TRIM64C: variants seen among roughly 807,000 people sequenced by gnomAD.
TRIM64C encodes tripartite motif containing 64C, also known as tripartite motif-containing protein 64C.
In TRIM64C, 25 loss-of-function variants were observed where a neutral mutation model predicts 36.1. The observed-to-expected ratio is 0.69, with a 90% CI of 0.51 to 0.97. The LOEUF is 0.97. Among genes scored for constraint, TRIM64C ranks in the 50% least tolerant of loss-of-function variants. The pLI is 0.00. For synonymous variants in TRIM64C, 212 were observed against 185.7 expected (o/e 1.14, Z -1.15); for missense variants, 489 against 536.8 (o/e 0.91, Z 0.88).
Position 49,056,013 on chromosome 11 carries a change from A to G in TRIM64C, c.761+346T>C, listed in dbSNP as rs536253703. 9.7e-5 allele frequency among the ~76,000 whole-genome samples: 14 copies of G among 144,380 alleles called. No individual in the cohort carries two copies. In the South Asian group the frequency reaches 2.6e-3, roughly 27 times the overall value. The allele number at this position is 144,380 out of a possible 152,430, so 94.7% of individuals were successfully genotyped here. On this transcript the variant is annotated intron_variant, in intron 4 of 5. Transcript: ENST00000617704. ...CATCCTTAGGGAATATCTCTCCTCG[A>G]TCTGTCTTTTTTTTTTTTTAACCTC...
chr11:49,059,030 G>A lies in TRIM64C; in HGVS notation c.83C>T (p.Thr28Ile), dbSNP rs1353561730. Reference sequence around the variant, plus strand: ...CCTGCAAAAGCTGTGCACACAGTCAGTGGTGACCGGGTCTATGAAGTAGTT... The same window carrying A: ...CCTGCAAAAGCTGTGCACACAGTCAATGGTGACCGGGTCTATGAAGTAGTT... The part of the protein sequence containing the change: ...CVNYFIDPVT[T>I]DCVHSFCRPC... The change falls in exon 1 of 6, where the codon ACT becomes ATT. Residue 28 changes from threonine (T) to isoleucine (I), a missense_variant. Thr to Ile is a moderately conservative substitution (Grantham distance 89). Coordinates refer to ENST00000617704, the MANE Select transcript of TRIM64C (RefSeq NM_001206631.1). 2 of 1,552,320 alleles carry A rather than the reference G, an allele frequency of 1.3e-6. No homozygotes were observed. Among genetic ancestry groups the A allele is most frequent in the Non-Finnish European group, 8.7e-7 (1 of 1,147,432 alleles).
chr11:49,058,660 T>G, intron 1 of TRIM64C, 41 bp downstream of exon 1: 1 of 1,537,504 alleles, frequency 6.5e-7, no homozygotes, highest in African/African-American at 1.4e-5. Flanking sequence ...ATCATTCTTA[T>G]TTGATATTCT....
rs1488157801 is a variant in TRIM64C, at chr11:49,058,143, A to G, written c.442T>C (p.Trp148Arg). 6.5e-7 allele frequency: 1 copy of G among 1,530,652 alleles called. No homozygotes were observed. Among genetic ancestry groups the G allele is most frequent in the East Asian group, 2.5e-5 (1 of 40,766 alleles). 94.8% of individuals were successfully genotyped at this position (1,530,652 alleles called of 1,614,324 possible). A position where few individuals can be genotyped will look rare whatever the true frequency, so the allele number is the denominator to read the frequency against. The change falls in exon 2 of 6, where the codon TGG becomes CGG. Residue 148 changes from tryptophan to arginine, a missense_variant. Coordinates refer to ENST00000617704, the MANE Select transcript of TRIM64C (RefSeq NM_001206631.1). ...TTTTGTGTCTCTTGATTGATTTTCC[A>G]TAAATAGTCCATTTCCTTTATAAGT... Reference protein sequence around the residue: ...QKLIKEMDYLWKINQETQNNL... With the variant: ...QKLIKEMDYLRKINQETQNNL...
At chr11:49,055,482 T>C in intron 4 of TRIM64C, 75 bp from the exon 5 acceptor site, 1 of 1,500,688 alleles carries the variant, frequency 6.7e-7, no homozygotes, top group Non-Finnish European at 8.9e-7. Context: ...GATATCATAT[T>C]TTCATATAAG....
Position 49,058,926 on chromosome 11 carries a change from T to G in TRIM64C, c.187A>C (p.Asn63His), listed in dbSNP as rs1188636660. 3.2e-6 allele frequency: 5 copies of G among 1,551,178 alleles called. No homozygotes were observed. The African/African-American group carries it at 6.9e-5, about 21-fold the overall frequency. The change falls in exon 1 of 6, where the codon AAC becomes CAC. Residue 63 changes from asparagine (N) to histidine (H), a missense_variant. Physicochemically the swap from Asn to His is moderately conservative, Grantham distance 68. Transcript: ENST00000617704. ...PLCRKISEKP[N>H]FNTNVALKKL... ...TTGAGTGCCACATTGGTGTTGAAGT[T>G]GGGCTTCTCTGAGATTTTTCTGCAC...
At chr11:49,055,903 G>A (rs1242842163) in intron 4 of TRIM64C, among the ~76,000 whole-genome samples, 1 of 152,124 alleles carries the variant, frequency 6.6e-6, no homozygotes, top group African/African-American at 2.4e-5. Context: ...CCATTTTCCT[G>A]AGGTCTTTCC....
rs926036310 is a variant in TRIM64C, at chr11:49,053,920, T to A, written c.1147A>T (p.Thr383Ser). 2 of 1,551,660 alleles carry A rather than the reference T, an allele frequency of 1.3e-6. No individual in the cohort carries two copies. Among genetic ancestry groups the A allele is most frequent in the Admixed American group, 3.9e-5 (2 of 51,000 alleles). Residue 383 changes from threonine to serine, a missense_variant, in exon 6 of 6, where the codon ACG (threonine) becomes TCG (serine). Physicochemically the swap from Thr to Ser is moderately conservative, Grantham distance 58 (BLOSUM62 1). Transcript: ENST00000617704. ...GTGGAGAGACTATAGTGATTGCTCG[T>A]CTTTGAAGAAATTGAAAAAAATGTT... is the stretch of plus-strand genomic sequence containing the variant. ...DKTFFSISSKTSNHYSLSTNS... is the reference protein window; with the variant it reads ...DKTFFSISSKSSNHYSLSTNS...
Position 49,058,246 on chromosome 11 carries a change from C to T in TRIM64C, c.413-74G>A, listed in dbSNP as rs756536356. ...ATCCCTTTATCAATAAAAAAAAGGC[C>T]GTAATTGAAAGAAACATAAATTAAG... On this transcript the variant is annotated intron_variant, in intron 1 of 5. Transcript: ENST00000617704. The T allele has an allele frequency of 6.4e-5, 67 of 1,042,720 alleles. 1 individual carries two copies. The Middle Eastern group carries it at 1.3e-3, about 20-fold the overall frequency. The allele number at this position is 1,042,720 out of a possible 1,614,324, so 64.6% of individuals were successfully genotyped here.
At chr11:49,058,306 C>T in intron 1 of TRIM64C, 134 bp from the exon 2 acceptor site, 2 of 691,182 alleles carry the variant, frequency 2.9e-6, no homozygotes, top group South Asian at 4.1e-5. Context: ...CCAAGTTAAA[C>T]AAATATGGTT....
intron 3 of TRIM64C, 110 bp downstream of exon 3, chr11:49,057,038 C>T (rs1312012265): frequency 8.2e-6 from 11 of 1,345,362 alleles, no homozygotes; most frequent in Non-Finnish European, 1.1e-5. Context: ...AGTCACACAG[C>T]ATGTGTCACT....
chr11:49,055,541 A>G, intron 4 of TRIM64C, 134 bp from the exon 5 acceptor site: 3 of 1,214,116 alleles, frequency 2.5e-6, no homozygotes, highest in Non-Finnish European at 3.4e-6. Context: ...TGTACATTTT[A>G]TTCCACACTC....
At chr11:49,054,410 G>GA (rs1033171053) in intron 5 of TRIM64C, among the ~76,000 whole-genome samples, 1 of 152,096 alleles carries the variant, frequency 6.6e-6, no homozygotes, top group Non-Finnish European at 1.5e-5. Context: ...AAATAATAGA[G>GA]AAAAAATGTG....
chr11:49,058,677 T>C (rs889736181), intron 1 of TRIM64C, 24 bp downstream of exon 1: 1 of 1,540,604 alleles, frequency 6.5e-7, no homozygotes, highest in Admixed American at 2.0e-5. Context: ...TTCTGTATAA[T>C]TCAAACTGCC....
In TRIM64C at chr11:49,058,091, A is replaced by C; in HGVS notation, c.494T>G (p.Phe165Cys). 1 of 1,525,912 alleles carries C rather than the reference A, an allele frequency of 6.6e-7. No individual in the cohort carries two copies. Among genetic ancestry groups the C allele is most frequent in the East Asian group, 2.5e-5 (1 of 40,706 alleles). The allele number at this position is 1,525,912 out of a possible 1,614,324, so 94.5% of individuals were successfully genotyped here. Residue 165 changes from phenylalanine to cysteine, a missense_variant, in exon 2 of 6, where the codon TTT (phenylalanine) becomes TGT (cysteine). Physicochemically the swap from Phe to Cys is radical, Grantham distance 205. Coordinates refer to ENST00000617704, the MANE Select transcript of TRIM64C (RefSeq NM_001206631.1). ...QNNLNQETSK[F>C]CSLVDYVSLR... ...TTCATTCTTAACCACTAATGAACAAAATTTGCTAGTTTCCTGATTTAGATT... is the reference window on the plus strand; with the variant it reads ...TTCATTCTTAACCACTAATGAACAACATTTGCTAGTTTCCTGATTTAGATT...
intron 3 of TRIM64C, among the ~76,000 whole-genome samples, chr11:49,056,675 A>G (rs1208076515): frequency 6.6e-6 from 1 of 151,914 alleles, no homozygotes; most frequent in African/African-American, 2.4e-5. Flanking sequence ...AGGTCTGACC[A>G]CACATGACAA....
At position 49,057,381 on chromosome 11, in the gene TRIM64C, G is replaced by A; in HGVS notation, c.508-3C>T. On this transcript the variant is annotated splice_region_variant and splice_polypyrimidine_tract_variant and intron_variant, in intron 2 of 5. Coordinates refer to ENST00000617704, the MANE Select transcript of TRIM64C (RefSeq NM_001206631.1). ...ACCTTCCTTAATGACACATAGTCCT[G>A]CAGAGACGTTTGGTTAAAAGGATTA... 6.5e-7 allele frequency: 1 copy of A among 1,549,358 alleles called. No homozygotes were observed. The highest frequency in any genetic ancestry group is 8.7e-7 in the Non-Finnish European group (1 of 1,146,738).
At chr11:49,054,416 A>G (rs1198891370) in intron 5 of TRIM64C, among the ~76,000 whole-genome samples, 1 of 152,240 alleles carries the variant, frequency 6.6e-6, no homozygotes, top group Admixed American at 6.5e-5. Flanking sequence ...TAGAGAAAAA[A>G]TGTGACCATA....
Position 49,059,052 on chromosome 11 carries a change from A to G in TRIM64C, c.61T>C (p.Tyr21His), listed in dbSNP as rs1366814316. ...TCAGTGGTGACCGGGTCTATGAAGT[A>G]GTTCACGCAAATGCAGCAAATGAGC... ...NELICCICVN[Y>H]FIDPVTTDCV... Residue 21 changes from tyrosine to histidine, a missense_variant, in exon 1 of 6, where the codon TAC (tyrosine) becomes CAC (histidine). Tyr to His is a moderately conservative substitution (Grantham distance 83). Coordinates refer to ENST00000617704, the MANE Select transcript of TRIM64C (RefSeq NM_001206631.1). 3 of 1,552,530 alleles carry G rather than the reference A, an allele frequency of 1.9e-6. No homozygotes were observed. The highest frequency in any genetic ancestry group is 8.7e-7 in the Non-Finnish European group (1 of 1,147,780).
chr11:49,057,410 G>A, intron 2 of TRIM64C, 32 bp from the exon 3 acceptor site: 2 of 1,542,796 alleles, frequency 1.3e-6, no homozygotes, highest in Non-Finnish European at 1.8e-6. Context: ...AGGATTACAT[G>A]TTCTCACTCT....
Sources: allele counts gnomAD v4.1 joint callset (sites outside exome capture counted in the v4.1 genomes callset), GRCh38; gene constraint gnomAD v4.1.1; transcripts MANE v1.5; gene names NCBI Gene and HGNC (gene_info 2026-07-23, HGNC 2026-07-21).